The following PRKG1 variants were observed in gnomAD, a reference collection of about 807,000 sequenced individuals.
The protein encoded by PRKG1 is cGMP-dependent protein kinase 1.
In PRKG1, 35 loss-of-function variants were observed where a neutral mutation model predicts 88.1. That is an observed-to-expected ratio of 0.40 (90% CI 0.30 to 0.53). The LOEUF is 0.53. Ranked by LOEUF, PRKG1 falls within the 20% of genes least tolerant of loss-of-function variation. PRKG1 has a pLI of 0.59. For synonymous variants in PRKG1, 303 were observed against 292.5 expected, an observed-to-expected ratio of 1.04 and a Z score of -0.37; for missense variants, 540 against 839.8, an observed-to-expected ratio of 0.64 and a Z score of 4.41.
chr10:51,655,836 T>C (rs1347441556), intron 3 of PRKG1, among the ~76,000 whole-genome samples: 1 of 152,126 alleles, frequency 6.6e-6, no homozygotes, highest in Non-Finnish European at 1.5e-5. Flanking sequence ...TGTTAAAACT[T>C]TGAAAATCAA....
chr10:51,560,000 A>G (rs1237312835), intron 3 of PRKG1, among the ~76,000 whole-genome samples: 1 of 152,164 alleles, frequency 6.6e-6, no homozygotes, highest in Non-Finnish European at 1.5e-5. Flanking sequence ...AAATTCTGCA[A>G]CAGTGACGTA....
At chr10:51,992,174 G>T (rs558522948) in intron 5 of PRKG1, among the ~76,000 whole-genome samples, 1 of 152,048 alleles carries the variant, frequency 6.6e-6, no homozygotes, top group Non-Finnish European at 1.5e-5. Flanking sequence ...TATAGCACTG[G>T]TTTCCAACCT....
At chr10:51,515,753 A>G (rs1030724889) in intron 3 of PRKG1, among the ~76,000 whole-genome samples, 1 of 152,112 alleles carries the variant, frequency 6.6e-6, no homozygotes, top group Admixed American at 6.6e-5. Flanking sequence ...GAAACTCGCA[A>G]CAGGGGTCCC....
intron 4 of PRKG1, among the ~76,000 whole-genome samples, chr10:51,856,551 A>C (rs1840684211): frequency 6.6e-6 from 1 of 151,980 alleles, no homozygotes; most frequent in Non-Finnish European, 1.5e-5. Flanking sequence ...TTTTTGCCCC[A>C]GTTTCTTCTT....
chr10:51,885,034 C>CT (rs1256258988), intron 4 of PRKG1, among the ~76,000 whole-genome samples: 1 of 152,204 alleles, frequency 6.6e-6, no homozygotes, highest in Non-Finnish European at 1.5e-5. Flanking sequence ...GAATCCTTCA[C>CT]TTTCTTTCAG....
At chr10:52,272,326 C>G in intron 11 of PRKG1, 66 bp from the exon 12 acceptor site, 2 of 1,294,848 alleles carry the variant, frequency 1.5e-6, no homozygotes, top group Non-Finnish European at 2.2e-6. Flanking sequence ...CTGGGCCCCC[C>G]AAAATTGCAC....
chr10:51,990,304 G>A (rs933630010), intron 5 of PRKG1, among the ~76,000 whole-genome samples: 1 of 151,998 alleles, frequency 6.6e-6, no homozygotes, highest in Non-Finnish European at 1.5e-5. Flanking sequence ...AGATTGCTTT[G>A]GCTATTCAGG....
chr10:52,234,193 A>G (rs990463488), intron 9 of PRKG1, among the ~76,000 whole-genome samples: 8 of 152,316 alleles, frequency 5.3e-5, no homozygotes, highest in Non-Finnish European at 5.9e-5. Flanking sequence ...CCAAAAGTAG[A>G]TAAAACCACA....
chr10:52,186,007 C>T (rs1037212571), intron 9 of PRKG1, among the ~76,000 whole-genome samples: 5 of 145,056 alleles, frequency 3.4e-5, no homozygotes, highest in Non-Finnish European at 7.4e-5. Flanking sequence ...GAAATGCCTT[C>T]GAGGCCTTTT....
intron 2 of PRKG1, among the ~76,000 whole-genome samples, chr10:51,192,037 C>A (rs1837643971): frequency 6.6e-6 from 1 of 151,694 alleles, no homozygotes; most frequent in Admixed American, 6.6e-5. Context: ...CTCCACCTGA[C>A]TGATGATGCC....
rs189969881 is a variant in PRKG1 at position 51,482,706 on chromosome 10, G to A, written c.592+14870G>A. 2.0e-5 allele frequency among the ~76,000 whole-genome samples: 3 copies of A among 152,258 alleles called. No individual in the cohort carries two copies. In the East Asian group the frequency reaches 5.8e-4, roughly 29 times the overall value. On this transcript the variant is annotated intron_variant, in intron 3 of 17. Coordinates refer to ENST00000373980, the MANE Select transcript of PRKG1 (RefSeq NM_006258.4). ...TTCTCCTAGGCAAGGGAGTATGGTG[G>A]CAGAAACATGGTCATCCAGTCTGGG... is the stretch of plus-strand genomic sequence containing the variant.
intron 5 of PRKG1, among the ~76,000 whole-genome samples, chr10:52,033,931 G>T (rs60158528): frequency 0.13 from 19,231 of 149,242 alleles, 1,407 homozygotes; most frequent in Middle Eastern, 0.17. Context: ...TCAAAGGGGG[G>T]TTGTTCTCTG....
At position 52,055,834 on chromosome 10, in the gene PRKG1, A is replaced by T. The variant is rs528961933; in HGVS notation, c.840+1273A>T. Among the ~76,000 whole-genome samples the T allele has an allele frequency of 6.6e-5, 10 of 152,282 alleles. No homozygotes were observed. The South Asian group carries it at 1.2e-3, about 19-fold the overall frequency. On this transcript the variant is annotated intron_variant, in intron 6 of 17. Coordinates refer to ENST00000373980, the MANE Select transcript of PRKG1 (RefSeq NM_006258.4). ...TAATTTAACAAAATGATTGACTATA[A>T]CTTATAGCTCATATATAGAGAGATT...
intron 7 of PRKG1, among the ~76,000 whole-genome samples, chr10:52,077,793 T>A (rs753416479): frequency 3.3e-5 from 5 of 152,162 alleles, no homozygotes; most frequent in Non-Finnish European, 7.3e-5. Context: ...ACTTTAGGGC[T>A]CATTTGGGTA....
chr10:51,856,966 T>TAAAAAAAA (rs748890081), intron 4 of PRKG1, among the ~76,000 whole-genome samples: 2 of 96,770 alleles, frequency 2.1e-5, no homozygotes, highest in Non-Finnish European at 4.1e-5. Flanking sequence ...TCCGTCTTAC[T>TAAAAAAAA]AAAAAAAAGA....
intron 12 of PRKG1, among the ~76,000 whole-genome samples, chr10:52,279,188 T>G (rs1841944153): frequency 6.6e-6 from 1 of 152,150 alleles, no homozygotes; most frequent in Admixed American, 6.6e-5. Context: ...CTGTAATCCC[T>G]TTGGAACTAC....
chr10:51,868,095 C>A (rs1265765078), intron 4 of PRKG1, among the ~76,000 whole-genome samples: 1 of 152,052 alleles, frequency 6.6e-6, no homozygotes, highest in African/African-American at 2.4e-5. Flanking sequence ...TGTCTATCAG[C>A]TGAATTGTGT....
intron 3 of PRKG1, among the ~76,000 whole-genome samples, chr10:51,791,041 A>T (rs763559649): frequency 6.6e-6 from 1 of 152,180 alleles, no homozygotes; most frequent in African/African-American, 2.4e-5. Flanking sequence ...ATAAGTTCTA[A>T]TTACTAGTCT....
intron 5 of PRKG1, among the ~76,000 whole-genome samples, chr10:52,012,562 T>G (rs1844919530): frequency 6.6e-6 from 1 of 151,774 alleles, no homozygotes; most frequent in South Asian, 2.1e-4. Context: ...AATTTTTTTA[T>G]TTTTAGTAAA....
Sources: allele counts gnomAD v4.1 joint callset (sites outside exome capture counted in the v4.1 genomes callset), GRCh38; gene constraint gnomAD v4.1.1; transcripts MANE v1.5; gene names NCBI Gene and HGNC (gene_info 2026-07-23, HGNC 2026-07-21).